MATR3: variants seen among roughly 807,000 people sequenced by gnomAD.
MATR3 encodes the protein matrin-3.
Under a neutral mutation model 85.5 loss-of-function variants are expected in MATR3, and 4 were observed. The observed-to-expected ratio is 0.05, with a 90% CI of 0.02 to 0.11. The LOEUF (loss-of-function observed/expected upper bound fraction) is 0.11, where lower values mean the gene tolerates loss of function less well. Ranked by LOEUF, MATR3 falls within the 10% of genes least tolerant of loss-of-function variation. MATR3 has a pLI of 1.00. For synonymous variants in MATR3, 336 were observed against 343.1 expected (o/e 0.98, Z 0.23); for missense variants, 685 against 1,016.1 (o/e 0.67, Z 4.43).
chr5:139,307,295 T>G lies in MATR3; in HGVS notation c.-121T>G. On this transcript the variant is annotated 5_prime_UTR_variant, in exon 2 of 15. Transcript: ENST00000394805. This position sits in a 1 kb window ranked among gnomAD's most constrained non-coding sequence, Gnocchi z 4.4. The stretch of plus-strand genomic sequence containing the variant: ...TTCTGCAGTCCTTATTGATCCTTTT[T>G]CTTGGCGTTACCATTTTTGAAGCAA... 7.1e-7 allele frequency: 1 copy of G among 1,418,440 alleles called. No individual in the cohort carries two copies. Among genetic ancestry groups the G allele is most frequent in the Non-Finnish European group, 9.2e-7 (1 of 1,091,778 alleles). 87.9% of individuals were successfully genotyped at this position (1,418,440 alleles called of 1,614,324 possible).
At chr5:139,293,977 C>T in intron 1 of MATR3, 172 bp downstream of exon 1, 1 of 1,265,098 alleles carries the variant, frequency 7.9e-7, no homozygotes, top group East Asian at 3.1e-5. Context: ...GATCGGCGGC[C>T]GCCATGTTAG....
intron 8 of MATR3, 32 bp from the exon 9 acceptor site, chr5:139,319,302 A>G (rs1167004782): frequency 5.6e-6 from 9 of 1,599,826 alleles, no homozygotes; most frequent in South Asian, 2.2e-5. Flanking sequence ...ATTATTGCAC[A>G]TTTGTCCTTT....
chr5:139,299,935 T>C (rs1027163046), intron 1 of MATR3: 3 of 152,232 alleles, frequency 2.0e-5, no homozygotes, highest in African/African-American at 7.2e-5. Context: ...AGTGCTTGGA[T>C]GGGAAACAGG....
At chr5:139,323,541 C>T (rs1384189013) in intron 12 of MATR3, among the ~76,000 whole-genome samples, 1 of 152,194 alleles carries the variant, frequency 6.6e-6, no homozygotes, top group East Asian at 1.9e-4. Flanking sequence ...CCACATTGAG[C>T]TGACTGCCTA....
At position 139,319,087 on chromosome 5, in the gene MATR3, T is replaced by A. The variant is rs1173204846; in HGVS notation, c.1434+54T>A. ...TCAGTTTAACAAATGATTTTAATAG[T>A]TATTAACTGTGGTTATTTCAAATTA... On this transcript the variant is annotated intron_variant, in intron 8 of 14. Transcript: ENST00000394805. 5 of 1,552,788 alleles carry A rather than the reference T, an allele frequency of 3.2e-6. No individual in the cohort carries two copies. The Admixed American group carries it at 5.1e-5, about 16-fold the overall frequency.
chr5:139,313,222 GT>G (rs1486406817), intron 2 of MATR3: 4 of 151,560 alleles, frequency 2.6e-5, no homozygotes, highest in Non-Finnish European at 5.9e-5. Flanking sequence ...TAGTGTGGGT[GT>G]TACAGAAATT....
At chr5:139,316,315 G>A (rs940418729) in intron 5 of MATR3, 127 bp downstream of exon 5, 16 of 706,096 alleles carry the variant, frequency 2.3e-5, no homozygotes, top group African/African-American at 3.5e-5. Context: ...GCACGATCTC[G>A]ACTCACTGCA....
intron 1 of MATR3, among the ~76,000 whole-genome samples, chr5:139,297,937 C>T (rs1469379632): frequency 6.6e-6 from 1 of 152,070 alleles, no homozygotes; most frequent in Non-Finnish European, 1.5e-5. Flanking sequence ...GGGGAGCTTG[C>T]CTGTGGAGAA....
chr5:139,329,532 C>T lies in MATR3; in HGVS notation c.*137C>T, dbSNP rs755732105. On this transcript the variant is annotated 3_prime_UTR_variant, in exon 15 of 15. Coordinates refer to ENST00000394805, the MANE Select transcript of MATR3 (RefSeq NM_018834.6). ...GTTTTAGTGGAGAAATAATAGATGT[C>T]TGTTCATGTGTTAAGTGTTATAGCA... is the stretch of plus-strand genomic sequence containing the variant. 9.5e-6 allele frequency: 7 copies of T among 737,418 alleles called. No homozygotes were observed. The highest frequency in any genetic ancestry group is 3.7e-4 in the Middle Eastern group (1 of 2,720). 45.7% of individuals were successfully genotyped at this position (737,418 alleles called of 1,614,324 possible).
chr5:139,303,221 C>A (rs970498996), intron 1 of MATR3, among the ~76,000 whole-genome samples: 3 of 152,154 alleles, frequency 2.0e-5, no homozygotes, highest in Admixed American at 2.0e-4. Flanking sequence ...CCGGCCTTAG[C>A]CTCCCACGTA....
At chr5:139,306,711 A>G (rs937584253) in intron 1 of MATR3, among the ~76,000 whole-genome samples, 2 of 152,166 alleles carry the variant, frequency 1.3e-5, no homozygotes, top group Admixed American at 6.5e-5. Flanking sequence ...GGTCTCAGCT[A>G]TTATGTTTGG....
At chr5:139,278,571 A>G (rs550781795) in intron 2 of MATR3, 78 of 358,042 alleles carry the variant, frequency 2.2e-4, no homozygotes, top group Admixed American at 1.8e-3. Flanking sequence ...CTAGATCCCA[A>G]TCGCAGTGCT....
chr5:139,309,216 C>CT (rs950496570), intron 2 of MATR3, among the ~76,000 whole-genome samples: 2 of 152,130 alleles, frequency 1.3e-5, no homozygotes, highest in African/African-American at 4.8e-5. Flanking sequence ...CTCATTCTGA[C>CT]TTTTTTTCCC....
chr5:139,314,789 A>G, intron 3 of MATR3, 53 bp downstream of exon 3: 4 of 1,550,826 alleles, frequency 2.6e-6, no homozygotes, highest in Non-Finnish European at 3.6e-6. Flanking sequence ...AGAATCAGCC[A>G]TTATTGGTTT....
At chr5:139,306,271 TG>T (rs1450228002) in intron 1 of MATR3, among the ~76,000 whole-genome samples, 26 of 152,136 alleles carry the variant, frequency 1.7e-4, no homozygotes, top group Non-Finnish European at 3.8e-4. Context: ...AAACACGTCT[TG>T]GGGGATCATA....
intron 1 of MATR3, among the ~76,000 whole-genome samples, chr5:139,303,711 C>G (rs968846988): frequency 6.6e-6 from 1 of 151,760 alleles, no homozygotes; most frequent in East Asian, 1.9e-4. Context: ...TGATGCCATT[C>G]CACTCCAGCC....
chr5:139,304,274 C>CGAG (rs1347159447), intron 1 of MATR3, among the ~76,000 whole-genome samples: 1 of 151,936 alleles, frequency 6.6e-6, no homozygotes, highest in East Asian at 1.9e-4. Context: ...TTTGAGAGGA[C>CGAG]GAGGCAGGGG....
intron 1 of MATR3, among the ~76,000 whole-genome samples, chr5:139,304,879 C>T (rs2151953148): frequency 6.6e-6 from 1 of 152,198 alleles, no homozygotes; most frequent in East Asian, 1.9e-4. Flanking sequence ...TGTGAATGAG[C>T]CTTTAAAAGT....
Position 139,307,372 on chromosome 5 carries a change from A to T in MATR3, c.-44A>T, listed in dbSNP as rs564015011. ...TTTCTTTTTGGCCGTCTTTAAAAAA[A>T]TTTTTTTTTTTAATCTATAAAATAG... On this transcript the variant is annotated 5_prime_UTR_variant, in exon 2 of 15. Coordinates refer to ENST00000394805, the MANE Select transcript of MATR3 (RefSeq NM_018834.6). This position sits in a 1 kb window ranked among gnomAD's most constrained non-coding sequence, Gnocchi z 4.4. 1.2e-4 allele frequency: 186 copies of T among 1,496,334 alleles called. No homozygotes were observed. Among genetic ancestry groups the T allele is most frequent in the East Asian group, 2.3e-4 (9 of 39,818 alleles). 92.7% of individuals were successfully genotyped at this position (1,496,334 alleles called of 1,614,324 possible). A position where few individuals can be genotyped will look rare whatever the true frequency, so the allele number is the denominator to read the frequency against.
Sources: gnomAD v4.1 joint callset for allele counts (sites outside exome capture counted in the v4.1 genomes callset) on GRCh38, gnomAD v4.1.1 for gene constraint, Gnocchi (gnomAD v3.1) non-coding constraint, MANE v1.5 for transcripts, NCBI Gene and HGNC (gene_info 2026-07-23, HGNC 2026-07-21) for gene names.